KCNU1: variants seen among roughly 807,000 people sequenced by gnomAD.
KCNU1 encodes the protein potassium channel subfamily U member 1.
Under a neutral mutation model 126.8 loss-of-function variants are expected in KCNU1, and 93 were observed. That is an observed-to-expected ratio of 0.73 (90% CI 0.62 to 0.87). The LOEUF (loss-of-function observed/expected upper bound fraction) is 0.87. KCNU1 is among the 40% of genes least tolerant of loss of function. The pLI is 0.00. For missense variants in KCNU1, 1,330 were observed against 1,367.1 expected (o/e 0.97, Z 0.43); for synonymous variants, 523 against 494.2 (o/e 1.06, Z -0.77).
At chr8:36,918,985 C>A in intron 23 of KCNU1, 88 bp downstream of exon 23, 3 of 860,088 alleles carry the variant, frequency 3.5e-6, no homozygotes, top group South Asian at 1.4e-5. Flanking sequence ...AATGCACAAT[C>A]ACAGGACTCA....
chr8:36,900,600 A>G (rs1585534861), intron 19 of KCNU1, among the ~76,000 whole-genome samples: 1 of 152,166 alleles, frequency 6.6e-6, no homozygotes, highest in Non-Finnish European at 1.5e-5. Flanking sequence ...AACATACAGA[A>G]GTCATCAGAA....
chr8:36,799,254 A>G (rs62502886), intron 2 of KCNU1, among the ~76,000 whole-genome samples: 384 of 152,218 alleles, frequency 2.5e-3, no homozygotes, highest in Non-Finnish European at 4.7e-3. Context: ...TTTGCAGATA[A>G]CCCATGTTTT....
intron 16 of KCNU1, among the ~76,000 whole-genome samples, chr8:36,841,443 G>C (rs1251007677): frequency 6.6e-6 from 1 of 152,158 alleles, no homozygotes; most frequent in Non-Finnish European, 1.5e-5. Context: ...TGTAATGCCA[G>C]CACTTTGAGA....
chr8:36,827,328 C>A (rs565013788), intron 10 of KCNU1, among the ~76,000 whole-genome samples: 1 of 152,224 alleles, frequency 6.6e-6, no homozygotes, highest in Admixed American at 6.5e-5. Context: ...TTTTGTTATG[C>A]CAGTTTATAT....
At chr8:36,817,411 A>C (rs1489286038) in intron 9 of KCNU1, among the ~76,000 whole-genome samples, 1 of 150,702 alleles carries the variant, frequency 6.6e-6, no homozygotes, top group African/African-American at 2.4e-5. Flanking sequence ...AGGCAGGAGA[A>C]TCATTTAAAC....
At chr8:36,910,538 T>A (rs1309155989) in intron 21 of KCNU1, among the ~76,000 whole-genome samples, 1 of 152,174 alleles carries the variant, frequency 6.6e-6, no homozygotes, top group Non-Finnish European at 1.5e-5. Flanking sequence ...CAGCTGTTTG[T>A]ACTAGCAATA....
In KCNU1 at chr8:36,808,709, T is replaced by C. The variant is rs1409547696; in HGVS notation, c.657-9T>C. The C allele has an allele frequency of 8.8e-6, 14 of 1,585,370 alleles. No individual in the cohort carries two copies. The highest frequency in any genetic ancestry group is 1.2e-5 in the Non-Finnish European group (14 of 1,156,672). ...TAGACCCAACAGCTCTTTGTCTCTC[T>C]TCCTCTAGTAACTCAGTGAAGTTTT... On this transcript the variant is annotated splice_polypyrimidine_tract_variant and intron_variant, in intron 6 of 26. Coordinates refer to ENST00000399881, the MANE Select transcript of KCNU1 (RefSeq NM_001031836.3).
chr8:36,874,723 T>C lies in KCNU1; in HGVS notation c.2009+10202T>C, dbSNP rs554417923. ...TTAGCTTACCCAACACAATATATTA[T>C]TGGCTTTCGTACAATTATTTATACC... On this transcript the variant is annotated intron_variant, in intron 19 of 26. Coordinates refer to ENST00000399881, the MANE Select transcript of KCNU1 (RefSeq NM_001031836.3). Among the ~76,000 whole-genome samples the C allele has an allele frequency of 4.4e-4, 67 of 152,334 alleles. 1 individual carries two copies. The highest frequency in any genetic ancestry group is 1.6e-3 in the African/African-American group (67 of 41,578).
chr8:36,804,198 C>T (rs146669844), intron 3 of KCNU1, 110 bp downstream of exon 3: 8,467 of 719,090 alleles, frequency 0.012, 69 homozygotes, highest in Middle Eastern at 0.021. Flanking sequence ...CACACATGCA[C>T]GCACACACAC....
intron 2 of KCNU1, among the ~76,000 whole-genome samples, chr8:36,802,957 T>G (rs1200285622): frequency 3.9e-5 from 6 of 152,136 alleles, no homozygotes; most frequent in African/African-American, 1.4e-4. Context: ...AGTTGGAATC[T>G]CCAAAGAACA....
chr8:36,883,322 A>C (rs550179421), intron 19 of KCNU1, among the ~76,000 whole-genome samples: 2 of 152,338 alleles, frequency 1.3e-5, no homozygotes, highest in African/African-American at 4.8e-5. Flanking sequence ...ACTGGCAGTC[A>C]TATATTCTTT....
chr8:36,787,577 G>T (rs1802753516), intron 2 of KCNU1, among the ~76,000 whole-genome samples, 152 bp downstream of exon 2: 1 of 151,346 alleles, frequency 6.6e-6, no homozygotes, highest in Non-Finnish European at 1.5e-5. Context: ...CCATCTCCTT[G>T]TGTCTACCAC....
intron 12 of KCNU1, 112 bp from the exon 13 acceptor site, chr8:36,836,183 AT>A: frequency 9.1e-6 from 6 of 659,734 alleles, no homozygotes; most frequent in Non-Finnish European, 1.6e-5. Flanking sequence ...ACTTTATTAT[AT>A]GCCAAGTTTT....
At chr8:36,899,584 A>G (rs1445115407) in intron 19 of KCNU1, among the ~76,000 whole-genome samples, 1 of 152,112 alleles carries the variant, frequency 6.6e-6, no homozygotes, top group Non-Finnish European at 1.5e-5. Flanking sequence ...TTTAATAATG[A>G]CTTCATGAAG....
At chr8:36,864,542 T>C (rs751886761) in intron 19 of KCNU1, 21 bp downstream of exon 19, 3 of 1,389,736 alleles carry the variant, frequency 2.2e-6, no homozygotes, top group Non-Finnish European at 3.1e-6. Context: ...CAGAGAACCC[T>C]GGTCTCCTAT....
intron 10 of KCNU1, among the ~76,000 whole-genome samples, chr8:36,818,727 T>A (rs1280550257): frequency 6.6e-6 from 1 of 152,202 alleles, no homozygotes; most frequent in African/African-American, 2.4e-5. Context: ...ATCGCCTCCA[T>A]CTTCTGGCAC....
intron 24 of KCNU1, among the ~76,000 whole-genome samples, chr8:36,927,219 T>A (rs755296448): frequency 3.9e-5 from 6 of 152,168 alleles, no homozygotes; most frequent in Non-Finnish European, 7.4e-5. Flanking sequence ...CCTGTGCTGG[T>A]TTTTTCAATG....
intron 7 of KCNU1, among the ~76,000 whole-genome samples, chr8:36,810,612 GT>G (rs768868474): frequency 6.6e-6 from 1 of 152,166 alleles, no homozygotes; most frequent in Non-Finnish European, 1.5e-5. Flanking sequence ...AAAAGCTATG[GT>G]TGCCCTAACT....
chr8:36,787,813 C>T (rs1277958503), intron 2 of KCNU1, among the ~76,000 whole-genome samples: 33 of 146,358 alleles, frequency 2.3e-4, no homozygotes, highest in Admixed American at 2.1e-3. Flanking sequence ...TAGTTAATTA[C>T]TAATTATATA....
Sources: allele counts gnomAD v4.1 joint callset (sites outside exome capture counted in the v4.1 genomes callset), GRCh38; gene constraint gnomAD v4.1.1; transcripts MANE v1.5; gene names NCBI Gene and HGNC (gene_info 2026-07-23, HGNC 2026-07-21).